The following COL6A1 variants were observed in gnomAD, a reference collection of about 807,000 sequenced individuals.
COL6A1 encodes collagen alpha-1(VI) chain.
A neutral mutation model predicts 145.6 loss-of-function variants in COL6A1; 80 were observed. That is an observed-to-expected ratio of 0.55 (90% CI 0.46 to 0.66). The LOEUF (loss-of-function observed/expected upper bound fraction) is 0.66, where lower values mean the gene tolerates loss of function less well. COL6A1 is among the 30% of genes least tolerant of loss of function. The probability of loss-of-function intolerance (pLI) is 0.00; values close to 1 mark genes in which losing one functional copy is unlikely to be tolerated. For synonymous variants in COL6A1, 638 were observed against 622.8 expected (o/e 1.02, Z -0.36); for missense variants, 1,364 against 1,473.8 (o/e 0.93, Z 1.22).
chr21:46,003,564 G>C lies in COL6A1; in HGVS notation c.2638G>C (p.Gly880Arg), dbSNP rs544927344. 2.7e-5 allele frequency: 43 copies of C among 1,612,474 alleles called. No individual in the cohort carries two copies. Among genetic ancestry groups the C allele is most frequent in the Non-Finnish European group, 3.6e-5 (42 of 1,179,766 alleles). Reference protein sequence around the residue: ...DVRVAVVQYSGTGQQRPERAS... With the variant: ...DVRVAVVQYSRTGQQRPERAS... ...GCGGGTGGCGGTGGTGCAGTACAGC[G>C]GCACGGGCCAGCAGCGCCCAGAGCG... Residue 880 changes from glycine (G) to arginine (R), a missense_variant, in exon 35 of 35, where the codon GGC (glycine) becomes CGC (arginine). Gly to Arg is a moderately radical substitution (Grantham distance 125). Around this residue, in one of 3 missense-constraint regions of COL6A1, gnomAD observed 938 missense variants for 1,003.8 expected, o/e 0.93. Coordinates refer to ENST00000361866, the MANE Select transcript of COL6A1 (RefSeq NM_001848.3).
At position 45,983,686 on chromosome 21, in the gene COL6A1, C is replaced by T. The variant is rs966135900; in HGVS notation, c.228-583C>T. 7.2e-5 allele frequency among the ~76,000 whole-genome samples: 11 copies of T among 152,234 alleles called. No individual in the cohort carries two copies. The South Asian group carries it at 1.4e-3, about 20-fold the overall frequency. On this transcript the variant is annotated intron_variant, in intron 2 of 34. Transcript: ENST00000361866. ...GGGGGGGTCTGGCTGTGGATGGCAC[C>T]GGGGAGGGGCGGCCGCGTGGCCCAG...
chr21:45,982,244 G>A (rs1258088224), intron 1 of COL6A1, among the ~76,000 whole-genome samples: 1 of 152,096 alleles, frequency 6.6e-6, no homozygotes, highest in African/African-American at 2.4e-5. Flanking sequence ...CCGTGAATCC[G>A]TTTGACCCCT....
chr21:46,002,021 C>T lies in COL6A1; in HGVS notation c.2017C>T (p.His673Tyr). Residue 673 changes from histidine (H) to tyrosine (Y), a missense_variant, in exon 31 of 35, where the codon CAC (histidine) becomes TAC (tyrosine). His to Tyr is a moderately conservative substitution (Grantham distance 83, BLOSUM62 2). Transcript: ENST00000361866. ...VQYSHSQMQE[H>Y]VSLRSPSIRN... ...GTACAGCCACAGCCAGATGCAGGAGCACGTGAGCCTGCGCAGCCCCAGCAT... is the reference window on the plus strand; with the variant it reads ...GTACAGCCACAGCCAGATGCAGGAGTACGTGAGCCTGCGCAGCCCCAGCAT... 1 of 1,612,688 alleles carries T rather than the reference C, an allele frequency of 6.2e-7. No homozygotes were observed. Among genetic ancestry groups the T allele is most frequent in the Non-Finnish European group, 8.5e-7 (1 of 1,179,878 alleles).
intron 1 of COL6A1, 104 bp from the exon 2 acceptor site, chr21:45,982,530 G>C: frequency 1.3e-6 from 2 of 1,549,352 alleles, no homozygotes; most frequent in Non-Finnish European, 1.8e-6. Flanking sequence ...TCCGGGCCCG[G>C]GGCTCTGTGC....
chr21:45,994,320 A>G lies in COL6A1; in HGVS notation c.1398+91A>G. On this transcript the variant is annotated intron_variant, in intron 20 of 34. Transcript: ENST00000361866. This position sits in a 1 kb window ranked among gnomAD's most constrained non-coding sequence, Gnocchi z 6.8. ...CAGCTCACGCACTGGGGGTCTGTTCATTTCCGTTTGAGGGCCTCTGTGTTT... is the reference window on the plus strand; with the variant it reads ...CAGCTCACGCACTGGGGGTCTGTTCGTTTCCGTTTGAGGGCCTCTGTGTTT... The G allele has an allele frequency of 7.9e-7, 1 of 1,262,686 alleles. No individual in the cohort carries two copies. Among genetic ancestry groups the G allele is most frequent in the South Asian group, 1.3e-5 (1 of 78,304 alleles). The allele number at this position is 1,262,686 out of a possible 1,614,324, so 78.2% of individuals were successfully genotyped here.
At chr21:45,987,864 G>GC (rs1277467173) in intron 8 of COL6A1, among the ~76,000 whole-genome samples, 2 of 5,426 alleles carry the variant, frequency 3.7e-4, no homozygotes, top group Non-Finnish European at 6.3e-4. Context: ...GGACGGCGGG[G>GC]TCCAGATGGA....
Position 46,001,408 on chromosome 21 carries a change from C to A in COL6A1, c.1956+22C>A, listed in dbSNP as rs773530383. On this transcript the variant is annotated intron_variant, in intron 30 of 34. Transcript: ENST00000361866. ...CAAGGTGAGGCCTCGCCCCGCCCGG[C>A]TTTCTCAAGCCCAGGTGCACCCCGA... The A allele has an allele frequency of 1.0e-5, 16 of 1,606,332 alleles. No individual in the cohort carries two copies. In the South Asian group the frequency reaches 1.8e-4, roughly 18 times the overall value.
intron 1 of COL6A1, among the ~76,000 whole-genome samples, 192 bp from the exon 2 acceptor site, chr21:45,982,442 G>T (rs1030248454): frequency 1.3e-5 from 2 of 152,212 alleles, no homozygotes; most frequent in Non-Finnish European, 2.9e-5. Context: ...CACAGGAGCG[G>T]TTTGGGGTCT....
At chr21:45,997,966 G>T (rs539222123) in intron 22 of COL6A1, among the ~76,000 whole-genome samples, 155 bp from the exon 23 acceptor site, 2 of 152,282 alleles carry the variant, frequency 1.3e-5, no homozygotes, top group South Asian at 4.1e-4. Context: ...CGGGTCCCAG[G>T]GTCCACGGGG....
At chr21:45,997,891 C>T in intron 22 of COL6A1, 129 bp downstream of exon 22, 3 of 1,160,862 alleles carry the variant, frequency 2.6e-6, no homozygotes, top group African/African-American at 1.5e-5. Flanking sequence ...GCATCACTGG[C>T]TCCTGGCCAC....
At position 45,998,785 on chromosome 21, in the gene COL6A1, G is replaced by A. The variant is rs1455078045; in HGVS notation, c.1612-112G>A. 5.5e-6 allele frequency: 7 copies of A among 1,266,008 alleles called. No homozygotes were observed. In the East Asian group the frequency reaches 1.3e-4, roughly 23 times the overall value. 78.4% of individuals were successfully genotyped at this position (1,266,008 alleles called of 1,614,324 possible). A position where few individuals can be genotyped will look rare whatever the true frequency, so the allele number is the denominator to read the frequency against. On this transcript the variant is annotated intron_variant, in intron 24 of 34. Coordinates refer to ENST00000361866, the MANE Select transcript of COL6A1 (RefSeq NM_001848.3). ...CAGCCCAGGAAATGTGTGTGGTGGG[G>A]GAAGGGAAGAGAAGAGTGCCTCTCT...
At chr21:45,987,293 TCCC>T (rs2077745032) in intron 6 of COL6A1, 118 bp downstream of exon 6, 1 of 1,526,992 alleles carries the variant, frequency 6.5e-7, no homozygotes, top group Non-Finnish European at 8.9e-7. Flanking sequence ...GGGACACATG[TCCC>T]CTGCGTGTCT....
At chr21:45,989,927 C>A in intron 11 of COL6A1, 149 bp downstream of exon 11, 1 of 1,130,016 alleles carries the variant, frequency 8.8e-7, no homozygotes, top group Non-Finnish European at 1.3e-6. Flanking sequence ...TCCCCTCCAT[C>A]TGGAAGGACA....
Position 45,997,472 on chromosome 21 carries a change from C to T in COL6A1, c.1450C>T (p.Pro484Ser). Residue 484 changes from proline (P) to serine (S), a missense_variant, in exon 21 of 35, where the codon CCA becomes TCA. Physicochemically the swap from Pro to Ser is moderately conservative, Grantham distance 74. Transcript: ENST00000361866. ...AGGCTACCGAGGCGATGAGGGTCCC[C>T]CAGGGTCCGAGGTGAGTCCCACTCC... ...PKGYRGDEGP[P>S]GSEGARGAPG... 6.2e-7 allele frequency: 1 copy of T among 1,612,040 alleles called. No individual in the cohort carries two copies. Among genetic ancestry groups the T allele is most frequent in the Non-Finnish European group, 8.5e-7 (1 of 1,179,716 alleles).
At chr21:45,996,525 C>T (rs529551166) in intron 20 of COL6A1, among the ~76,000 whole-genome samples, 39 of 152,300 alleles carry the variant, frequency 2.6e-4, no homozygotes, top group South Asian at 6.2e-4. Context: ...TTTGAACCAC[C>T]GGACAGGCCT....
At chr21:45,989,467 C>T (rs1015630193) in intron 9 of COL6A1, 141 bp from the exon 10 acceptor site, 6 of 914,428 alleles carry the variant, frequency 6.6e-6, no homozygotes, top group East Asian at 2.5e-5. Context: ...TGGAGGGCCT[C>T]GGCACCATGG....
rs886144671 is a variant in COL6A1, at chr21:45,994,096, C to T, written c.1336-71C>T. The T allele has an allele frequency of 1.8e-5, 27 of 1,468,178 alleles. No homozygotes were observed. Among genetic ancestry groups the T allele is most frequent in the Non-Finnish European group, 2.2e-5 (24 of 1,070,628 alleles). 90.9% of individuals were successfully genotyped at this position (1,468,178 alleles called of 1,614,324 possible). The stretch of plus-strand genomic sequence containing the variant: ...ACCACCTGGACAGCATGCTGTGGCT[C>T]CCAGCGTGCCCGGGCAGCCATCCTC... On this transcript the variant is annotated intron_variant, in intron 19 of 34. Transcript: ENST00000361866. This position sits in a 1 kb window ranked among gnomAD's most constrained non-coding sequence, Gnocchi z 6.8.
intron 9 of COL6A1, 143 bp from the exon 10 acceptor site, chr21:45,989,465 C>T: frequency 1.1e-6 from 1 of 905,738 alleles, no homozygotes; most frequent in Non-Finnish European, 1.8e-6. Context: ...CTTGGAGGGC[C>T]TCGGCACCAT....
intron 3 of COL6A1, among the ~76,000 whole-genome samples, chr21:45,984,861 C>G (rs1368337137): frequency 4.1e-5 from 6 of 146,052 alleles, no homozygotes; most frequent in African/African-American, 1.5e-4. Context: ...GAGACAGAGA[C>G]AGAAACAGAG....
Sources: allele counts gnomAD v4.1 joint callset (sites outside exome capture counted in the v4.1 genomes callset), GRCh38; gene constraint gnomAD v4.1.1; regional missense constraint gnomAD v4.1.1; non-coding constraint Gnocchi (gnomAD v3.1); transcripts MANE v1.5; gene names NCBI Gene and HGNC (gene_info 2026-07-23, HGNC 2026-07-21).